The following HDAC9 variants were observed in gnomAD, a reference collection of about 807,000 sequenced individuals.
The protein encoded by HDAC9 is histone deacetylase 9.
Under a neutral mutation model 139.4 loss-of-function variants are expected in HDAC9, and 41 were observed. That is an observed-to-expected ratio of 0.29 (90% CI 0.23 to 0.38). The LOEUF is 0.38. Ranked by LOEUF, HDAC9 falls within the 10% of genes least tolerant of loss-of-function variation. The pLI is 1.00. For missense variants in HDAC9, 1,147 were observed against 1,297.0 expected, an observed-to-expected ratio of 0.88 and a Z score of 1.78; for synonymous variants, 517 against 476.2, an observed-to-expected ratio of 1.09 and a Z score of -1.12.
chr7:18,714,049 G>C (rs566872660), intron 12 of HDAC9, among the ~76,000 whole-genome samples: 3 of 152,212 alleles, frequency 2.0e-5, no homozygotes, highest in African/African-American at 7.2e-5. Flanking sequence ...CACTTATTCT[G>C]GAAGAAAAAG....
intron 6 of HDAC9, among the ~76,000 whole-genome samples, chr7:18,611,247 C>A (rs1482760624): frequency 6.6e-6 from 1 of 152,058 alleles, no homozygotes; most frequent in Non-Finnish European, 1.5e-5. Flanking sequence ...GATAAGGGAA[C>A]AGCACATTAC....
At chr7:18,935,034 C>T (rs1474557761) in intron 22 of HDAC9, among the ~76,000 whole-genome samples, 1 of 151,890 alleles carries the variant, frequency 6.6e-6, no homozygotes, top group Non-Finnish European at 1.5e-5. Flanking sequence ...TAGCAAGTTG[C>T]AAAAGTGTAA....
intron 2 of HDAC9, among the ~76,000 whole-genome samples, chr7:18,260,065 G>A (rs1367673611): frequency 6.6e-6 from 1 of 152,150 alleles, no homozygotes; most frequent in African/African-American, 2.4e-5. Context: ...TTAGGTGTGT[G>A]TACTCAGAAG....
At chr7:18,180,035 T>G (rs906120949) in intron 2 of HDAC9, among the ~76,000 whole-genome samples, 2 of 152,214 alleles carry the variant, frequency 1.3e-5, no homozygotes, top group Admixed American at 1.3e-4. Context: ...ATTTCCAGAT[T>G]TGTCTCTGTC....
chr7:18,584,408 G>A (rs996767581), intron 2 of HDAC9, among the ~76,000 whole-genome samples: 5 of 151,960 alleles, frequency 3.3e-5, no homozygotes, highest in South Asian at 2.1e-4. Flanking sequence ...GATTACAGGC[G>A]TGAGCCACCG....
At chr7:18,841,517 C>T (rs1437109693) in intron 21 of HDAC9, among the ~76,000 whole-genome samples, 5 of 152,042 alleles carry the variant, frequency 3.3e-5, no homozygotes, top group South Asian at 2.1e-4. Context: ...GCAGTTACCA[C>T]GCTTCTTGAG....
intron 22 of HDAC9, among the ~76,000 whole-genome samples, chr7:18,905,186 C>A (rs183287780): frequency 6.6e-6 from 1 of 152,196 alleles, no homozygotes; most frequent in Non-Finnish European, 1.5e-5. Context: ...CCACTGCGCC[C>A]GGCCCAGCCT....
intron 24 of HDAC9, among the ~76,000 whole-genome samples, chr7:18,956,490 A>G (rs1439205613): frequency 1.3e-5 from 2 of 152,096 alleles, no homozygotes; most frequent in East Asian, 1.9e-4. Context: ...GAGCCTGGCC[A>G]TTAAAAGCAG....
At chr7:18,563,786 C>T (rs528022171) in intron 2 of HDAC9, among the ~76,000 whole-genome samples, 1 of 150,638 alleles carries the variant, frequency 6.6e-6, no homozygotes, top group African/African-American at 2.4e-5. Context: ...GGTACATGTG[C>T]ACAACATGCA....
intron 2 of HDAC9, among the ~76,000 whole-genome samples, chr7:18,186,262 C>A (rs1377785278): frequency 1.3e-5 from 2 of 152,214 alleles, no homozygotes; most frequent in African/African-American, 4.8e-5. Flanking sequence ...GTTTAGCTGA[C>A]TGGTTAAGAC....
At chr7:18,100,904 G>T (rs142379255) in intron 1 of HDAC9, among the ~76,000 whole-genome samples, 4 of 152,044 alleles carry the variant, frequency 2.6e-5, no homozygotes, top group Admixed American at 2.0e-4. Flanking sequence ...CTGGGAAACA[G>T]CTTGATCCTT....
intron 2 of HDAC9, among the ~76,000 whole-genome samples, chr7:18,507,840 C>A (rs892838055): frequency 2.6e-5 from 4 of 152,148 alleles, no homozygotes; most frequent in Non-Finnish European, 5.9e-5. Flanking sequence ...AAATAGGAAA[C>A]ACACAGTAAT....
At chr7:18,485,494 C>T (rs972386650) in intron 1 of HDAC9, among the ~76,000 whole-genome samples, 2 of 150,420 alleles carry the variant, frequency 1.3e-5, no homozygotes, top group African/African-American at 2.4e-5. Context: ...ACAAAGCAGA[C>T]TAATGATTTT....
chr7:18,350,993 C>T (rs987882465), intron 1 of HDAC9, among the ~76,000 whole-genome samples: 3 of 152,162 alleles, frequency 2.0e-5, no homozygotes, highest in East Asian at 1.9e-4. Flanking sequence ...CATTTTATAA[C>T]CCCTGCCTAA....
intron 1 of HDAC9, among the ~76,000 whole-genome samples, chr7:18,319,165 G>A (rs1324181762): frequency 6.6e-6 from 1 of 152,140 alleles, no homozygotes; most frequent in Non-Finnish European, 1.5e-5. Flanking sequence ...AAAACACTTC[G>A]TGGTATTTAT....
In HDAC9 at chr7:18,726,849, T is replaced by G. The variant is rs558666878; in HGVS notation, c.1732-731T>G. On this transcript the variant is annotated intron_variant, in intron 12 of 25. Coordinates refer to ENST00000686413, the MANE Select transcript of HDAC9 (RefSeq NM_178425.4). ...TATCTGTGTTTGAGAATATCTTTTCTTGGAGACAGAGGAAGAGACTAACTG... is the reference window on the plus strand; with the variant it reads ...TATCTGTGTTTGAGAATATCTTTTCGTGGAGACAGAGGAAGAGACTAACTG... Among the ~76,000 whole-genome samples, 869 of 152,210 alleles carry G rather than the reference T, an allele frequency of 5.7e-3. 12 individuals carry two copies. Among genetic ancestry groups the G allele is most frequent in the Non-Finnish European group, 0.011 (731 of 68,010 alleles).
rs28558309 is a variant in HDAC9 at position 18,469,479 on chromosome 7, A to G, written c.-41-26783A>G. ...CCTTGCAAAACTCACATTAACGAGA[A>G]AAAAAAGCACATTTTAAATGGTGAC... On this transcript the variant is annotated intron_variant, in intron 1 of 3. Transcript: ENST00000413509. Among the ~76,000 whole-genome samples, 1,132 of 152,270 alleles carry G rather than the reference A, an allele frequency of 7.4e-3. 19 individuals are homozygous for G. Among genetic ancestry groups the G allele is most frequent in the African/African-American group, 0.026 (1,085 of 41,550 alleles).
chr7:18,643,963 C>G (rs567292439), intron 8 of HDAC9, among the ~76,000 whole-genome samples: 1 of 151,898 alleles, frequency 6.6e-6, no homozygotes, highest in East Asian at 1.9e-4. Flanking sequence ...TATTAGGCCA[C>G]ATGTGGGAAA....
At chr7:18,548,242 G>A (rs1815856800) in intron 2 of HDAC9, among the ~76,000 whole-genome samples, 1 of 152,054 alleles carries the variant, frequency 6.6e-6, no homozygotes, top group African/African-American at 2.4e-5. Context: ...CGTCTTATAT[G>A]GGTGTGGTTC....
Sources: gnomAD v4.1 joint callset for allele counts (sites outside exome capture counted in the v4.1 genomes callset) on GRCh38, gnomAD v4.1.1 for gene constraint, MANE v1.5 for transcripts, NCBI Gene and HGNC (gene_info 2026-07-23, HGNC 2026-07-21) for gene names.